The following KLRG1 variants were observed in gnomAD, a reference collection of about 807,000 sequenced individuals.
KLRG1 encodes killer cell lectin-like receptor subfamily G member 1.
In KLRG1, 16 loss-of-function variants were observed where a neutral mutation model predicts 21.8. That is an observed-to-expected ratio of 0.73 (90% confidence interval 0.50 to 1.11). The LOEUF (loss-of-function observed/expected upper bound fraction) is 1.11. KLRG1 is among the 50% of genes most tolerant of loss of function. The pLI is 0.00. For synonymous variants in KLRG1, 69 were observed against 75.9 expected, an observed-to-expected ratio of 0.91 and a Z score of 0.47; for missense variants, 173 against 218.3, an observed-to-expected ratio of 0.79 and a Z score of 1.31.
At chr12:9,077,326 A>G in the KLRG1 span, 1 of 1,604,508 alleles carries the variant, frequency 6.2e-7, no homozygotes, top group Non-Finnish European at 8.5e-7. Context: ...CCTTCAGCAG[A>G]GGAATGGGGT....
the KLRG1 span, among the ~76,000 whole-genome samples, chr12:9,204,454 C>T: frequency 6.6e-6 from 1 of 152,134 alleles, no homozygotes; most frequent in African/African-American, 2.4e-5. Flanking sequence ...CTTCAGTAAG[C>T]ATATATCATT....
chr12:9,136,835 G>A, the KLRG1 span, among the ~76,000 whole-genome samples: 16 of 152,088 alleles, frequency 1.1e-4, 1 homozygote, highest in Non-Finnish European at 1.8e-4. Flanking sequence ...TTTGAAAGAT[G>A]TCTACTCAGA....
Position 8,953,031 on chromosome 12 carries a change from G to A in KLRG1, c.-156+2795G>A, listed in dbSNP as rs369058755. Reference sequence around the variant, plus strand: ...CGGTCACTTTGCCAACCAGGGACCCGTCCATAGCTAGTGACACCCCCCCCC... The same window carrying A: ...CGGTCACTTTGCCAACCAGGGACCCATCCATAGCTAGTGACACCCCCCCCC... On this transcript the variant is annotated intron_variant, in intron 1 of 4. Coordinates refer to the KLRG1 transcript ENST00000539240. Among the ~76,000 whole-genome samples the A allele has an allele frequency of 2.4e-4, 32 of 130,866 alleles. No individual in the cohort carries two copies. In the East Asian group the frequency reaches 3.5e-3, roughly 14 times the overall value. 85.9% of individuals were successfully genotyped at this position (130,866 alleles called of 152,430 possible). A position where few individuals can be genotyped will look rare whatever the true frequency, so the allele number is the denominator to read the frequency against.
the KLRG1 span, among the ~76,000 whole-genome samples, chr12:9,210,224 T>A: frequency 6.6e-6 from 1 of 152,192 alleles, no homozygotes; most frequent in Admixed American, 6.5e-5. Flanking sequence ...CGTTTTACTC[T>A]GCTAGGCATT....
the KLRG1 span, chr12:9,072,810 C>G: frequency 6.2e-7 from 1 of 1,614,132 alleles, no homozygotes. Flanking sequence ...TGCAGCCTTC[C>G]CAGTCCTGGT....
At chr12:9,131,216 G>A in the KLRG1 span, among the ~76,000 whole-genome samples, 422 of 152,252 alleles carry the variant, frequency 2.8e-3, 2 homozygotes, top group African/African-American at 9.5e-3. Flanking sequence ...CAGGAAGTGT[G>A]AGTCTAATAC....
intron 1 of KLRG1, among the ~76,000 whole-genome samples, chr12:8,959,685 CTATT>C (rs1283808056): frequency 6.6e-6 from 1 of 152,044 alleles, no homozygotes; most frequent in Non-Finnish European, 1.5e-5. Context: ...GGGTACAACT[CTATT>C]TATGTAGGCC....
chr12:9,115,682 G>C, the KLRG1 span: 1 of 1,070,404 alleles, frequency 9.3e-7, no homozygotes, highest in Non-Finnish European at 1.4e-6. Context: ...TCATAGGAAA[G>C]AAAAAGGAAT....
chr12:8,989,017 G>GA (rs1271871637), upstream of KLRG1, among the ~76,000 whole-genome samples: 1 of 152,130 alleles, frequency 6.6e-6, no homozygotes, highest in Non-Finnish European at 1.5e-5. Context: ...ACAACAAAGA[G>GA]AAAAAATATA....
chr12:8,973,163 G>GAAAAAAAAAAAA (rs59760555), intron 1 of KLRG1, among the ~76,000 whole-genome samples: 2 of 97,034 alleles, frequency 2.1e-5, no homozygotes, highest in Non-Finnish European at 4.0e-5. Flanking sequence ...CATCTCAAAA[G>GAAAAAAAAAAAA]AAAAAAAAAA....
At chr12:9,171,538 G>A in the KLRG1 span, among the ~76,000 whole-genome samples, 2 of 152,298 alleles carry the variant, frequency 1.3e-5, no homozygotes, top group East Asian at 1.9e-4. Context: ...TCAGAAAGTG[G>A]ATAACAATAA....
the KLRG1 span, chr12:9,152,797 A>G: frequency 6.2e-7 from 1 of 1,604,256 alleles, no homozygotes; most frequent in Non-Finnish European, 8.5e-7. Context: ...TGGGCCAAAG[A>G]TAGGTGATTA....
chr12:9,110,407 G>T, the KLRG1 span: 1 of 878,112 alleles, frequency 1.1e-6, no homozygotes, highest in Non-Finnish European at 1.7e-6. Flanking sequence ...AAGCAAAGCA[G>T]CTAGTATTTG....
the KLRG1 span, among the ~76,000 whole-genome samples, chr12:9,138,477 T>C: frequency 6.6e-6 from 1 of 152,092 alleles, no homozygotes; most frequent in African/African-American, 2.4e-5. Context: ...TTTTTTCTTG[T>C]AGTGTCCTTG....
the KLRG1 span, chr12:9,070,543 ATCGCCATG>A: frequency 6.2e-7 from 1 of 1,613,890 alleles, no homozygotes; most frequent in Non-Finnish European, 8.5e-7. Flanking sequence ...CACATCAACG[ATCGCCATG>A]TTGGAGGCAG....
intron 1 of KLRG1, among the ~76,000 whole-genome samples, chr12:8,979,968 A>C (rs983624995): frequency 1.3e-5 from 2 of 152,038 alleles, no homozygotes; most frequent in African/African-American, 4.8e-5. Context: ...TAGTGCGATC[A>C]TGGCTCACTG....
the KLRG1 span, among the ~76,000 whole-genome samples, chr12:9,081,929 T>G: frequency 6.6e-6 from 1 of 152,220 alleles, no homozygotes; most frequent in Non-Finnish European, 1.5e-5. Context: ...GCCAACTGCA[T>G]AGCCCATCTG....
At chr12:9,099,940 C>CT in the KLRG1 span, among the ~76,000 whole-genome samples, 1 of 152,200 alleles carries the variant, frequency 6.6e-6, no homozygotes, top group African/African-American at 2.4e-5. Flanking sequence ...CACCATGCTC[C>CT]TTCAGAAGTT....
At chr12:9,125,321 A>G in the KLRG1 span, among the ~76,000 whole-genome samples, 3 of 152,036 alleles carry the variant, frequency 2.0e-5, no homozygotes, top group South Asian at 2.1e-4. Context: ...CTTATTGTGC[A>G]CCCTTCACTT....
Sources: allele counts gnomAD v4.1 joint callset (sites outside exome capture counted in the v4.1 genomes callset), GRCh38; gene constraint gnomAD v4.1.1; transcripts MANE v1.5; gene names NCBI Gene and HGNC (gene_info 2026-07-23, HGNC 2026-07-21).